Variants in DAO observed in about 807,000 individuals in gnomAD.
The protein encoded by DAO is D-amino-acid oxidase.
DAO carries 51 observed loss-of-function variants against 50.1 expected under a neutral mutation model. The observed-to-expected ratio is 1.02, with a 90% confidence interval of 0.81 to 1.29. The LOEUF (loss-of-function observed/expected upper bound fraction) is 1.29, where lower values mean the gene tolerates loss of function less well. Among genes scored for constraint, DAO ranks in the 50% most tolerant of loss-of-function variants. The probability of loss-of-function intolerance (pLI) is 0.00; values close to 1 mark genes in which losing one functional copy is unlikely to be tolerated. For synonymous variants in DAO, 160 were observed against 166.2 expected (o/e 0.96, Z 0.29); for missense variants, 436 against 439.4 (o/e 0.99, Z 0.07).
chr12:108,900,494 G>A lies in DAO; in HGVS notation c.1003G>A (p.Glu335Lys), dbSNP rs759096607. ...EAAKLFGRIL[E>K]EKKLSRMPPS... ...AGCCAAGCTCTTTGGGAGAATCCTGGAAGAAAAGAAATTGTCCAGAATGCC... is the reference window on the plus strand; with the variant it reads ...AGCCAAGCTCTTTGGGAGAATCCTGAAAGAAAAGAAATTGTCCAGAATGCC... The change falls in exon 11 of 11, where the codon GAA becomes AAA. Residue 335 changes from glutamate (E) to lysine (K), a missense_variant. Transcript: ENST00000228476. 5.0e-6 allele frequency: 8 copies of A among 1,614,174 alleles called. No individual in the cohort carries two copies. The highest frequency in any genetic ancestry group is 5.9e-6 in the Non-Finnish European group (7 of 1,180,020).
Position 108,898,165 on chromosome 12 carries a change from C to T in DAO, c.696-514C>T, listed in dbSNP as rs550364810. 1.2e-4 allele frequency among the ~76,000 whole-genome samples: 18 copies of T among 151,824 alleles called. 1 individual carries two copies. Among genetic ancestry groups the T allele is most frequent in the Non-Finnish European group, 2.2e-4 (15 of 67,988 alleles). ...CAGCGTTCATGGGGGTGGTGATTAG[C>T]GTAAGAGTTGTAGAGTGGTGATGTT... On this transcript the variant is annotated intron_variant, in intron 8 of 10. Coordinates refer to ENST00000228476, the MANE Select transcript of DAO (RefSeq NM_001917.5).
At chr12:108,881,201 TATA>T (rs1355383876) in intron 1 of DAO, among the ~76,000 whole-genome samples, 1 of 106,886 alleles carries the variant, frequency 9.4e-6, no homozygotes, top group African/African-American at 4.9e-5. Context: ...CACACACAAA[TATA>T]ATAATCCCAG....
At chr12:108,888,201 G>A (rs1271500118) in intron 3 of DAO, among the ~76,000 whole-genome samples, 2 of 152,190 alleles carry the variant, frequency 1.3e-5, no homozygotes, top group Non-Finnish European at 2.9e-5. Flanking sequence ...GCCCTGGGAC[G>A]GTTTGCTCAG....
Position 108,889,472 on chromosome 12 carries a change from C to G in DAO, c.313C>G (p.Pro105Ala), listed in dbSNP as rs1322557628. The change falls in exon 4 of 11, where the codon CCT (proline) becomes GCT (alanine). Residue 105 changes from proline (P) to alanine (A), a missense_variant. By Grantham distance (27) the Pro-to-Ala change is conservative. Transcript: ENST00000228476. ...YNLFHEAIPDPSWKDTVLGFR... is the reference protein window; with the variant it reads ...YNLFHEAIPDASWKDTVLGFR... ...CCCCTTTGTCCTTCCTCTTCAGGAC[C>G]CTTCCTGGAAGGACACAGTTCTGGG... 1 of 1,611,096 alleles carries G rather than the reference C, an allele frequency of 6.2e-7. No homozygotes were observed. The highest frequency in any genetic ancestry group is 8.5e-7 in the Non-Finnish European group (1 of 1,178,304).
At chr12:108,890,177 T>C in intron 4 of DAO, 31 bp from the exon 5 acceptor site, 3 of 1,588,664 alleles carry the variant, frequency 1.9e-6, no homozygotes, top group African/African-American at 1.3e-5. Context: ...TTTTTACCTT[T>C]ATTTCCACCT....
At chr12:108,886,750 G>A (rs1214048490) in intron 2 of DAO, among the ~76,000 whole-genome samples, 3 of 152,226 alleles carry the variant, frequency 2.0e-5, no homozygotes, top group South Asian at 2.1e-4. Flanking sequence ...ATAGGCATGA[G>A]CCACTGCAAC....
At chr12:108,893,921 G>A (rs117604692) in intron 6 of DAO, among the ~76,000 whole-genome samples, 1 of 152,244 alleles carries the variant, frequency 6.6e-6, no homozygotes, top group East Asian at 1.9e-4. Context: ...CTTTTGGGAG[G>A]TTCCAGGAAG....
chr12:108,894,291 T>C lies in DAO; in HGVS notation c.536T>C (p.Val179Ala). ...GCAAGAGAAGGCGCAGACGTGATTG[T>C]CAACTGCACTGGGGTATGGGCTGGG... ...EVAREGADVI[V>A]NCTGVWAGAL... Residue 179 changes from valine (V) to alanine (A), a missense_variant, in exon 7 of 11, where the codon GTC (valine) becomes GCC (alanine). Physicochemically the swap from Val to Ala is moderately conservative, Grantham distance 64. Transcript: ENST00000228476. 6.2e-7 allele frequency: 1 copy of C among 1,613,992 alleles called. No individual in the cohort carries two copies. The highest frequency in any genetic ancestry group is 8.5e-7 in the Non-Finnish European group (1 of 1,179,974).
intron 1 of DAO, chr12:108,883,551 A>T: frequency 2.2e-6 from 1 of 452,516 alleles, no homozygotes. Flanking sequence ...ACTCTGTGCC[A>T]GGCGTGGTAC....
rs386377704 is a variant in DAO at position 108,896,419 on chromosome 12, C to CAAAAAAAAA, written c.613-572_613-564dup. Among the ~76,000 whole-genome samples the CAAAAAAAAA allele has an allele frequency of 1.5e-3, 89 of 59,516 alleles. 3 individuals carry two copies. The highest frequency in any genetic ancestry group is 5.3e-3 in the African/African-American group (83 of 15,704). The allele number at this position is 59,516 out of a possible 152,430, so 39.0% of individuals were successfully genotyped here. A position where few individuals can be genotyped will look rare whatever the true frequency, so the allele number is the denominator to read the frequency against. Reference sequence around the variant, plus strand: ...GCCTGGCAACAGAGCGAGGCTGTCTCAAAAAAAAAAAAAAAAAAAAAAATT... The same window carrying CAAAAAAAAA: ...GCCTGGCAACAGAGCGAGGCTGTCTCAAAAAAAAAAAAAAAAAAAAAAAAAAAAAAAATT... On this transcript the variant is annotated intron_variant, in intron 7 of 10. Coordinates refer to ENST00000228476, the MANE Select transcript of DAO (RefSeq NM_001917.5).
At chr12:108,882,916 G>A (rs376982330) in intron 1 of DAO, among the ~76,000 whole-genome samples, 2 of 152,132 alleles carry the variant, frequency 1.3e-5, no homozygotes, top group Non-Finnish European at 2.9e-5. Context: ...GGGAGGCTGA[G>A]GGGGGAGGAT....
chr12:108,889,405 T>C (rs2039465780), intron 3 of DAO, 64 bp from the exon 4 acceptor site: 4 of 1,150,920 alleles, frequency 3.5e-6, no homozygotes, highest in Non-Finnish European at 5.2e-6. Context: ...CCACCTCGCC[T>C]GGCCCATTAT....
intron 6 of DAO, among the ~76,000 whole-genome samples, chr12:108,893,393 G>A (rs2039512769): frequency 1.3e-5 from 2 of 152,100 alleles, no homozygotes; most frequent in South Asian, 4.1e-4. Context: ...TTTCTGCAAA[G>A]TCCAGGCCCT....
chr12:108,884,754 T>C (rs2039416176), intron 1 of DAO, among the ~76,000 whole-genome samples: 1 of 152,156 alleles, frequency 6.6e-6, no homozygotes, highest in Admixed American at 6.5e-5. Flanking sequence ...CCAGAGAAAG[T>C]TGCATCATTC....
In DAO at chr12:108,887,534, G is replaced by A. The variant is rs7980427; in HGVS notation, c.279G>A (p.Ser93=). The part of the protein sequence containing the change: ...NAENLGLFLI[S]GYNLFHEAIP... ...AAAACCTGGGCCTGTTCCTAATCTCGGGCTACAACCTCTTCCATGAAGCCA... is the reference window on the plus strand; with the variant it reads ...AAAACCTGGGCCTGTTCCTAATCTCAGGCTACAACCTCTTCCATGAAGCCA... Residue 93 remains serine, a synonymous_variant, in exon 3 of 11, where the codon TCG becomes TCA. Coordinates refer to ENST00000228476, the MANE Select transcript of DAO (RefSeq NM_001917.5). The A allele has an allele frequency of 0.091, 147,027 of 1,613,036 alleles. 9,252 individuals carry two copies. Among genetic ancestry groups the A allele is most frequent in the African/African-American group, 0.31 (22,967 of 74,794 alleles).
intron 1 of DAO, among the ~76,000 whole-genome samples, chr12:108,882,479 C>T (rs930428198): frequency 2.0e-5 from 3 of 152,218 alleles, no homozygotes; most frequent in African/African-American, 7.2e-5. Context: ...TACCATTGCA[C>T]TCCAGCCTGG....
At chr12:108,899,777 C>G in intron 10 of DAO, 1 of 451,522 alleles carries the variant, frequency 2.2e-6, no homozygotes, top group South Asian at 2.1e-5. Context: ...GGAAATGACA[C>G]TATCAAGTAT....
At chr12:108,884,736 GA>G (rs1218820408) in intron 1 of DAO, among the ~76,000 whole-genome samples, 1 of 152,060 alleles carries the variant, frequency 6.6e-6, no homozygotes, top group African/African-American at 2.4e-5. Flanking sequence ...GGTGTCTGGG[GA>G]CGCTCCCCAG....
At chr12:108,897,863 C>G (rs150071502) in intron 8 of DAO, among the ~76,000 whole-genome samples, 2,417 of 151,662 alleles carry the variant, frequency 0.016, 34 homozygotes, top group Middle Eastern at 0.083. Flanking sequence ...GGGAGGATTG[C>G]TTGAACCTGG....
Sources: gnomAD v4.1 joint callset for allele counts (sites outside exome capture counted in the v4.1 genomes callset) on GRCh38, gnomAD v4.1.1 for gene constraint, MANE v1.5 for transcripts, NCBI Gene and HGNC (gene_info 2026-07-23, HGNC 2026-07-21) for gene names.